EBF2: variants seen among roughly 807,000 people sequenced by gnomAD.
EBF2 encodes the protein transcription factor COE2.
A neutral mutation model predicts 72.8 loss-of-function variants in EBF2; 21 were observed. That is an observed-to-expected ratio of 0.29 (90% CI 0.20 to 0.42). The LOEUF (loss-of-function observed/expected upper bound fraction) is 0.42. EBF2 is among the 10% of genes least tolerant of loss of function. The pLI is 1.00. For synonymous variants in EBF2, 299 were observed against 274.2 expected (o/e 1.09, Z -0.89); for missense variants, 637 against 731.2 (o/e 0.87, Z 1.49).
rs146914897 is a variant in EBF2 at position 25,886,556 on chromosome 8, C to T, written c.1009+199G>A. 2.6e-5 allele frequency among the ~76,000 whole-genome samples: 4 copies of T among 151,922 alleles called. No individual in the cohort carries two copies. The East Asian group carries it at 7.8e-4, about 30-fold the overall frequency. Reference sequence around the variant, plus strand: ...AATGAGCTGCTGTGATCTCCCAGATCATGCAGAAGTTGCTTAAGTAAAACA... The same window carrying T: ...AATGAGCTGCTGTGATCTCCCAGATTATGCAGAAGTTGCTTAAGTAAAACA... On this transcript the variant is annotated intron_variant, in intron 10 of 15. Coordinates refer to ENST00000520164, the MANE Select transcript of EBF2 (RefSeq NM_022659.4).
At chr8:25,928,606 C>A (rs985804654) in intron 6 of EBF2, among the ~76,000 whole-genome samples, 2 of 151,938 alleles carry the variant, frequency 1.3e-5, no homozygotes, top group African/African-American at 4.8e-5. Flanking sequence ...CCAATACGTG[C>A]CTGTTACAAG....
intron 6 of EBF2, among the ~76,000 whole-genome samples, chr8:26,021,329 C>T (rs1046119924): frequency 1.3e-4 from 20 of 152,192 alleles, no homozygotes; most frequent in Admixed American, 2.6e-4. Context: ...GAATCTCCTA[C>T]GTGTGAATCA....
At chr8:25,872,861 A>C (rs1802463376) in intron 10 of EBF2, among the ~76,000 whole-genome samples, 1 of 152,228 alleles carries the variant, frequency 6.6e-6, no homozygotes, top group Admixed American at 6.5e-5. Flanking sequence ...CAGCGTAGGA[A>C]GGCATGAAAC....
In EBF2 at chr8:25,972,255, G is replaced by T. The variant is rs962447072; in HGVS notation, c.551+60830C>A. The stretch of plus-strand genomic sequence containing the variant: ...GGTCCCCTCCTTCGTAGACCCCGAG[G>T]GAGCCAACAATTACAATCTTGGTCC... On this transcript the variant is annotated intron_variant, in intron 6 of 15. Transcript: ENST00000520164. Among the ~76,000 whole-genome samples, 3 of 152,138 alleles carry T rather than the reference G, an allele frequency of 2.0e-5. No individual in the cohort carries two copies. In the South Asian group the frequency reaches 6.2e-4, roughly 32 times the overall value.
intron 6 of EBF2, among the ~76,000 whole-genome samples, chr8:26,030,357 T>C (rs1162203634): frequency 6.6e-6 from 1 of 150,516 alleles, no homozygotes; most frequent in East Asian, 2.0e-4. Context: ...TCCAGCTTCA[T>C]CCATGTCCCT....
intron 6 of EBF2, among the ~76,000 whole-genome samples, chr8:26,025,348 A>G (rs1805286353): frequency 6.6e-6 from 1 of 152,096 alleles, no homozygotes; most frequent in South Asian, 2.1e-4. Context: ...AACCATGCCT[A>G]TTGTATTCGC....
intron 14 of EBF2, 68 bp from the exon 15 acceptor site, chr8:25,850,829 C>G (rs1211043491): frequency 6.8e-6 from 10 of 1,481,256 alleles, no homozygotes; most frequent in East Asian, 5.2e-5. Flanking sequence ...ATTTGGCACA[C>G]ATTTATTGAG....
At chr8:25,867,771 C>T (rs1802359817) in intron 10 of EBF2, among the ~76,000 whole-genome samples, 3 of 152,088 alleles carry the variant, frequency 2.0e-5, no homozygotes, top group Admixed American at 2.0e-4. Flanking sequence ...CCATAGATTC[C>T]CCCTACCCAA....
Position 25,940,005 on chromosome 8 carries a change from C to A in EBF2, c.552-31450G>T, listed in dbSNP as rs79012643. Among the ~76,000 whole-genome samples the A allele has an allele frequency of 6.9e-3, 1,048 of 152,268 alleles. 17 individuals are homozygous for A. Among genetic ancestry groups the A allele is most frequent in the African/African-American group, 0.024 (1,006 of 41,554 alleles). ...TGCCATAAAGAGAATTTTTGCATGA[C>A]TTAGTAGGCTGGAGCAAATGATATC... On this transcript the variant is annotated intron_variant, in intron 6 of 15. Transcript: ENST00000520164.
At chr8:25,860,764 G>C (rs1177987939) in intron 13 of EBF2, among the ~76,000 whole-genome samples, 3 of 152,008 alleles carry the variant, frequency 2.0e-5, no homozygotes, top group African/African-American at 7.2e-5. Context: ...CAATCTACCT[G>C]CCTCAGCCTC....
rs144804190 is a variant in EBF2 at position 26,009,681 on chromosome 8, C to T, written c.551+23404G>A. Among the ~76,000 whole-genome samples the T allele has an allele frequency of 1.7e-3, 261 of 152,274 alleles. 1 individual carries two copies. The highest frequency in any genetic ancestry group is 6.1e-3 in the African/African-American group (252 of 41,554). ...GTGGTATCTACTACATTATAGCGAT[C>T]GCATGCCAATAACAGCTGGGCAGAG... On this transcript the variant is annotated intron_variant, in intron 6 of 15. Coordinates refer to ENST00000520164, the MANE Select transcript of EBF2 (RefSeq NM_022659.4).
chr8:26,008,996 A>G (rs1039901258), intron 6 of EBF2, among the ~76,000 whole-genome samples: 1 of 150,750 alleles, frequency 6.6e-6, no homozygotes, highest in African/African-American at 2.4e-5. Context: ...TTGATTGCTT[A>G]TATATTCTGA....
At chr8:25,928,483 A>G (rs907304879) in intron 6 of EBF2, among the ~76,000 whole-genome samples, 1 of 151,902 alleles carries the variant, frequency 6.6e-6, no homozygotes, top group African/African-American at 2.4e-5. Flanking sequence ...GCACTAGTCC[A>G]TGCCAGGACA....
intron 7 of EBF2, among the ~76,000 whole-genome samples, chr8:25,905,806 A>G (rs959328470): frequency 1.3e-5 from 2 of 152,228 alleles, no homozygotes; most frequent in African/African-American, 4.8e-5. Flanking sequence ...GCACTTTTAA[A>G]TGGTTAAAAT....
Position 25,844,548 on chromosome 8 carries a change from C to G in EBF2, c.*61G>C. The G allele has an allele frequency of 1.3e-6, 2 of 1,597,530 alleles. No homozygotes were observed. Among genetic ancestry groups the G allele is most frequent in the South Asian group, 1.1e-5 (1 of 90,654 alleles). On this transcript the variant is annotated 3_prime_UTR_variant, in exon 16 of 16. Coordinates refer to ENST00000520164, the MANE Select transcript of EBF2 (RefSeq NM_022659.4). ...TACACCCCCAAAAGAGCTCCTAGTGCTTTCTTCATTATTGGTCCATCAGAG... is the reference window on the plus strand; with the variant it reads ...TACACCCCCAAAAGAGCTCCTAGTGGTTTCTTCATTATTGGTCCATCAGAG...
intron 5 of EBF2, among the ~76,000 whole-genome samples, chr8:26,036,291 G>T (rs1805499909): frequency 6.6e-6 from 1 of 152,170 alleles, no homozygotes; most frequent in African/African-American, 2.4e-5. Flanking sequence ...TGTAGGGAAA[G>T]AACTTGGGAG....
In EBF2 at chr8:26,044,370, C is replaced by A. The variant is rs191305815; in HGVS notation, c.131+359G>T. On this transcript the variant is annotated intron_variant, in intron 1 of 15. Transcript: ENST00000520164. The surrounding 1 kb of genome is among the most constrained non-coding windows in gnomAD (Gnocchi z 4.1). ...TTTCCTCCCGCGCCGCCACTGCCAG[C>A]GCCGGTGTTCACGCTCCGTTCGGGG... 6.6e-6 allele frequency among the ~76,000 whole-genome samples: 1 copy of A among 152,392 alleles called. No individual in the cohort carries two copies. Among genetic ancestry groups the A allele is most frequent in the Non-Finnish European group, 1.5e-5 (1 of 68,042 alleles).
chr8:25,865,501 G>A (rs1008368129), intron 10 of EBF2, among the ~76,000 whole-genome samples: 4 of 152,100 alleles, frequency 2.6e-5, no homozygotes, highest in African/African-American at 7.2e-5. Context: ...GTATGTGAAC[G>A]TGAGCTGTTT....
chr8:26,005,428 T>TATATTTTATAAAATATA (rs1804846613), intron 6 of EBF2, among the ~76,000 whole-genome samples: 1 of 21,692 alleles, frequency 4.6e-5, no homozygotes, highest in Non-Finnish European at 8.1e-5. Context: ...TAATATATAT[T>TATATTTTATAAAATATA]ATATATATTA....
Sources: allele counts gnomAD v4.1 joint callset (sites outside exome capture counted in the v4.1 genomes callset), GRCh38; gene constraint gnomAD v4.1.1; non-coding constraint Gnocchi (gnomAD v3.1); transcripts MANE v1.5; gene names NCBI Gene and HGNC (gene_info 2026-07-23, HGNC 2026-07-21).